ADK: variants seen among roughly 807,000 people sequenced by gnomAD.
The protein encoded by ADK is N6,N6-dimethyladenosine kinase.
ADK carries 24 observed loss-of-function variants against 44.7 expected under a neutral mutation model. That is an observed-to-expected ratio of 0.54 (90% CI 0.39 to 0.76). The LOEUF is 0.76. Ranked by LOEUF, ADK falls within the 30% of genes least tolerant of loss-of-function variation. The pLI is 0.00. For synonymous variants in ADK, 128 were observed against 142.6 expected, an observed-to-expected ratio of 0.90 and a Z score of 0.73; for missense variants, 321 against 425.1, an observed-to-expected ratio of 0.76 and a Z score of 2.15.
chr10:74,320,363 G>A (rs1348483059), intron 4 of ADK, among the ~76,000 whole-genome samples: 1 of 152,038 alleles, frequency 6.6e-6, no homozygotes, highest in Non-Finnish European at 1.5e-5. Context: ...GTGACCAGTT[G>A]CTTTTCTCTC....
At chr10:74,255,161 T>C (rs924701009) in intron 3 of ADK, among the ~76,000 whole-genome samples, 3 of 151,946 alleles carry the variant, frequency 2.0e-5, no homozygotes, top group African/African-American at 7.3e-5. Flanking sequence ...GAGGTCCTAG[T>C]TGGGGGTTGG....
At chr10:74,644,953 G>A (rs1854004183) in intron 9 of ADK, among the ~76,000 whole-genome samples, 1 of 152,138 alleles carries the variant, frequency 6.6e-6, no homozygotes, top group Non-Finnish European at 1.5e-5. Context: ...AACTAGTCAT[G>A]TGGGAATTTC....
At chr10:74,360,419 A>G (rs1174429208) in intron 4 of ADK, among the ~76,000 whole-genome samples, 3 of 152,214 alleles carry the variant, frequency 2.0e-5, no homozygotes, top group Non-Finnish European at 4.4e-5. Context: ...TCTAGAGTAT[A>G]GTTTTTTACT....
intron 1 of ADK, among the ~76,000 whole-genome samples, chr10:74,171,810 C>CTCTCTG (rs1554825180): frequency 5.6e-4 from 80 of 144,088 alleles, no homozygotes; most frequent in African/African-American, 1.9e-3. Context: ...CTCTGTCTCT[C>CTCTCTG]TGTGTGTGTG....
rs1842931238 is a variant in ADK, at chr10:74,380,047, C to T, written c.274-14094C>T. Among the ~76,000 whole-genome samples the T allele has an allele frequency of 2.0e-5, 3 of 152,120 alleles. No homozygotes were observed. The East Asian group carries it at 5.8e-4, about 29-fold the overall frequency. ...CTCTAAAAAAATAAATAATTGGTTC[C>T]TTCTTTGCCTGCCTCCCACTCTTTG... is the stretch of plus-strand genomic sequence containing the variant. On this transcript the variant is annotated intron_variant, in intron 4 of 10. Coordinates refer to ENST00000539909, the MANE Select transcript of ADK (RefSeq NM_006721.4).
At chr10:74,457,669 A>G (rs976324462) in intron 6 of ADK, among the ~76,000 whole-genome samples, 1 of 152,252 alleles carries the variant, frequency 6.6e-6, no homozygotes, top group Non-Finnish European at 1.5e-5. Flanking sequence ...CATAACCACC[A>G]TGGAATACTA....
Position 74,444,860 on chromosome 10 carries a change from A to C in ADK, c.555+46281A>C, listed in dbSNP as rs796320109. ...GTCTGACTGCTTTATTTCCCACCAG[A>C]AATCACAAAATCCATTTTTCCTGTG... On this transcript the variant is annotated intron_variant, in intron 6 of 10. Coordinates refer to ENST00000539909, the MANE Select transcript of ADK (RefSeq NM_006721.4). Among the ~76,000 whole-genome samples the C allele has an allele frequency of 4.3e-5, 6 of 139,252 alleles. No individual in the cohort carries two copies. The South Asian group carries it at 1.2e-3, about 29-fold the overall frequency. The allele number at this position is 139,252 out of a possible 152,430, so 91.4% of individuals were successfully genotyped here.
intron 6 of ADK, among the ~76,000 whole-genome samples, chr10:74,502,435 T>G (rs1363470752): frequency 6.6e-6 from 1 of 152,118 alleles, no homozygotes; most frequent in Non-Finnish European, 1.5e-5. Context: ...CCTGCAGCAC[T>G]TTCACAATCA....
chr10:74,535,525 T>C (rs367968883), intron 7 of ADK, among the ~76,000 whole-genome samples: 1 of 151,384 alleles, frequency 6.6e-6, no homozygotes, highest in South Asian at 2.1e-4. Flanking sequence ...GATGTGGTTC[T>C]ACAAGAAAAA....
rs139923827 is a variant in ADK, at chr10:74,670,386, A to G, written c.964+117A>G. On this transcript the variant is annotated intron_variant, in intron 10 of 10. Transcript: ENST00000539909. ...TCTAATTTCTTCTTTTAAATAATTA[A>G]CTTCTGAAGTTCTTTCCATATACTT... The G allele has an allele frequency of 9.2e-4, 727 of 786,614 alleles. 4 individuals are homozygous for G. In the African/African-American group the frequency reaches 0.011, roughly 12 times the overall value. 48.7% of individuals were successfully genotyped at this position (786,614 alleles called of 1,614,324 possible). A position where few individuals can be genotyped will look rare whatever the true frequency, so the allele number is the denominator to read the frequency against.
chr10:74,559,932 TG>T (rs1205787923), intron 7 of ADK, among the ~76,000 whole-genome samples: 1 of 152,114 alleles, frequency 6.6e-6, no homozygotes, highest in Non-Finnish European at 1.5e-5. Context: ...GTTTGTCCAT[TG>T]ACTTTTTTTT....
intron 4 of ADK, among the ~76,000 whole-genome samples, chr10:74,366,153 C>T (rs1842490973): frequency 1.3e-5 from 2 of 152,236 alleles, no homozygotes; most frequent in Middle Eastern, 6.8e-3. Flanking sequence ...CATATTTTGA[C>T]TTTTGATGTT....
chr10:74,666,680 T>C (rs897961864), intron 9 of ADK, among the ~76,000 whole-genome samples: 1 of 152,148 alleles, frequency 6.6e-6, no homozygotes, highest in African/African-American at 2.4e-5. Flanking sequence ...GTGAGAGTCA[T>C]GTGAGTGTTG....
intron 1 of ADK, among the ~76,000 whole-genome samples, chr10:74,171,778 C>A (rs75719562): frequency 0.012 from 1,748 of 151,384 alleles, 17 homozygotes; most frequent in Non-Finnish European, 0.017. Flanking sequence ...TCTCTCTCAG[C>A]GCTCACTCTC....
At chr10:74,550,521 G>GT (rs1351894278) in intron 7 of ADK, among the ~76,000 whole-genome samples, 3 of 152,046 alleles carry the variant, frequency 2.0e-5, no homozygotes, top group Non-Finnish European at 1.5e-5. Flanking sequence ...CCTGCCTCTG[G>GT]TTTTGCCTCT....
intron 3 of ADK, among the ~76,000 whole-genome samples, chr10:74,233,290 G>C (rs534836045): frequency 6.6e-6 from 1 of 152,176 alleles, no homozygotes; most frequent in Non-Finnish European, 1.5e-5. Context: ...AATGAATTGC[G>C]TGTTCTGTTA....
chr10:74,191,350 C>G (rs1842944905), intron 1 of ADK, among the ~76,000 whole-genome samples: 1 of 151,794 alleles, frequency 6.6e-6, no homozygotes, highest in Admixed American at 6.6e-5. Flanking sequence ...GGTCCTTACT[C>G]TGCCATTCCC....
At chr10:74,245,242 T>C (rs1845374229) in intron 3 of ADK, among the ~76,000 whole-genome samples, 2 of 152,178 alleles carry the variant, frequency 1.3e-5, no homozygotes, top group South Asian at 2.1e-4. Flanking sequence ...TAAATATATA[T>C]AGTAGATTTT....
At chr10:74,676,396 C>A (rs1203184519) in intron 10 of ADK, among the ~76,000 whole-genome samples, 1 of 152,192 alleles carries the variant, frequency 6.6e-6, no homozygotes, top group Non-Finnish European at 1.5e-5. Flanking sequence ...TCCCAAAGTG[C>A]TGGATTTACA....
Sources: allele counts gnomAD v4.1 joint callset (sites outside exome capture counted in the v4.1 genomes callset), GRCh38; gene constraint gnomAD v4.1.1; transcripts MANE v1.5; gene names NCBI Gene and HGNC (gene_info 2026-07-23, HGNC 2026-07-21).